The following AHDC1 variants were observed in gnomAD, a reference collection of about 807,000 sequenced individuals.
AHDC1 encodes transcription factor Gibbin.
Under a neutral mutation model 87.9 loss-of-function variants are expected in AHDC1, and 7 were observed. That is an observed-to-expected ratio of 0.08 (90% CI 0.05 to 0.15). AHDC1 has a LOEUF of 0.15. Among genes scored for constraint, AHDC1 ranks in the 10% least tolerant of loss-of-function variants. The pLI is 1.00. For synonymous variants in AHDC1, 1,051 were observed against 1,006.8 expected (o/e 1.04, Z -0.83); for missense variants, 1,841 against 2,253.2 (o/e 0.82, Z 3.70).
chr1:27,582,796 C>T (rs368084769), intron 3 of AHDC1, among the ~76,000 whole-genome samples: 3 of 152,206 alleles, frequency 2.0e-5, no homozygotes, highest in African/African-American at 7.2e-5. Flanking sequence ...TTTGGAGATG[C>T]GATGTTCAGT....
In AHDC1 at chr1:27,556,136, G is replaced by A. The variant is rs923338707; in HGVS notation, c.-225+2169C>T. Among the ~76,000 whole-genome samples, 7 of 152,102 alleles carry A rather than the reference G, an allele frequency of 4.6e-5. No homozygotes were observed. The East Asian group carries it at 1.2e-3, about 25-fold the overall frequency. On this transcript the variant is annotated intron_variant, in intron 5 of 8. Transcript: ENST00000673934. ...TGGGGGCCCCAACCTGCTGTGCACA[G>A]TGCCGGGAAGCGCCAGCCCACATCC... is the stretch of plus-strand genomic sequence containing the variant.
At chr1:27,578,260 A>G (rs534613070) in intron 3 of AHDC1, among the ~76,000 whole-genome samples, 1 of 152,354 alleles carries the variant, frequency 6.6e-6, no homozygotes, top group African/African-American at 2.4e-5. Context: ...CTTATACATT[A>G]AAATGCTAGT....
intron 8 of AHDC1, among the ~76,000 whole-genome samples, chr1:27,544,986 C>T (rs1303818811): frequency 2.0e-5 from 3 of 152,154 alleles, no homozygotes; most frequent in Non-Finnish European, 2.9e-5. Flanking sequence ...TTCCCATAGG[C>T]AGTTTCTTAA....
At position 27,548,261 on chromosome 1, in the gene AHDC1, C is replaced by G. The variant is rs766491824; in HGVS notation, c.3855G>C (p.Glu1285Asp). ...RGGGACSAKK[E>D]RGGAAAKAKF... ...TGGCTTTGGCCGCTGCGCCACCCCG[C>G]TCCTTCTTGGCTGAGCAGGCCCCAC... Residue 1285 changes from glutamate to aspartate, a missense_variant, in exon 8 of 9, where the codon GAG (glutamate) becomes GAC (aspartate). By Grantham distance (45) the Glu-to-Asp change is conservative (BLOSUM62 2). Coordinates refer to ENST00000673934, the MANE Select transcript of AHDC1 (RefSeq NM_001371928.1). The G allele has an allele frequency of 1.5e-5, 24 of 1,611,390 alleles. No individual in the cohort carries two copies. The Middle Eastern group carries it at 1.2e-3, about 77-fold the overall frequency.
At chr1:27,537,514 C>A (rs778071612) in intron 8 of AHDC1, among the ~76,000 whole-genome samples, 16 of 152,196 alleles carry the variant, frequency 1.1e-4, no homozygotes, top group Non-Finnish European at 2.1e-4. Context: ...AGAGCGGGGA[C>A]TGACCTGAGT....
intron 8 of AHDC1, among the ~76,000 whole-genome samples, chr1:27,545,171 C>T (rs2019108451): frequency 6.6e-6 from 1 of 151,644 alleles, no homozygotes; most frequent in African/African-American, 2.4e-5. Flanking sequence ...TTGTACAGTG[C>T]TTCCCACAGC....
intron 5 of AHDC1, among the ~76,000 whole-genome samples, chr1:27,556,795 C>G (rs2019835904): frequency 6.6e-6 from 1 of 152,142 alleles, no homozygotes; most frequent in Non-Finnish European, 1.5e-5. Flanking sequence ...CCTCCTACAA[C>G]GGTCCTAGTC....
chr1:27,555,722 C>T (rs2019786603), intron 5 of AHDC1, among the ~76,000 whole-genome samples: 1 of 152,194 alleles, frequency 6.6e-6, no homozygotes, highest in Admixed American at 6.5e-5. Context: ...CCCTCCCTCC[C>T]TCCCTTACTG....
chr1:27,537,561 C>T (rs747245445), intron 8 of AHDC1, among the ~76,000 whole-genome samples: 3 of 152,190 alleles, frequency 2.0e-5, no homozygotes, highest in Non-Finnish European at 2.9e-5. Context: ...CGGCCTTGCA[C>T]ACCTTCAGAA....
rs2018609559 is a variant in AHDC1 at position 27,535,730 on chromosome 1, C to T, written c.*44-814G>A. ...CTGCCTTCCTGAAGCTCAGACACTC[C>T]CAAGTTCCCAGTTCCTCCCATCGCC... On this transcript the variant is annotated intron_variant, in intron 8 of 8. Transcript: ENST00000673934. 2.6e-5 allele frequency among the ~76,000 whole-genome samples: 4 copies of T among 152,170 alleles called. No individual in the cohort carries two copies. In the South Asian group the frequency reaches 8.3e-4, roughly 32 times the overall value.
chr1:27,576,835 G>A (rs1024656303), intron 3 of AHDC1, among the ~76,000 whole-genome samples: 2 of 152,186 alleles, frequency 1.3e-5, no homozygotes, highest in Non-Finnish European at 2.9e-5. Flanking sequence ...CAACAGTGGA[G>A]GCTGCTTTTG....
chr1:27,556,537 A>T (rs956151184), intron 5 of AHDC1, among the ~76,000 whole-genome samples: 28 of 151,972 alleles, frequency 1.8e-4, no homozygotes, highest in African/African-American at 5.6e-4. Flanking sequence ...CTGCCCACAC[A>T]GTAACACCTG....
chr1:27,543,835 C>T (rs1443377850), intron 8 of AHDC1, among the ~76,000 whole-genome samples: 1 of 151,926 alleles, frequency 6.6e-6, no homozygotes, highest in African/African-American at 2.4e-5. Flanking sequence ...ATCCCAGCTA[C>T]AGGAAGCTGA....
intron 8 of AHDC1, among the ~76,000 whole-genome samples, chr1:27,546,903 G>T (rs912796968): frequency 6.6e-6 from 1 of 152,120 alleles, no homozygotes; most frequent in South Asian, 2.1e-4. Flanking sequence ...CCTTATCAGC[G>T]TATTTCCTGG....
chr1:27,576,526 A>G (rs1023483710), intron 3 of AHDC1, among the ~76,000 whole-genome samples: 7 of 152,152 alleles, frequency 4.6e-5, no homozygotes, highest in African/African-American at 1.7e-4. Context: ...CTTTTTGTTA[A>G]TGAGAAAGCT....
chr1:27,550,274 G>T lies in AHDC1; in HGVS notation c.1842C>A (p.Asp614Glu). ...TCAGGAAGGCCAGCTTGGCCAGGAC[G>T]TCTGAGTACTCGGCCTTGCTGTCGT... ...DANDSKAEYSDVLAKLAFLNR... is the reference protein window; with the variant it reads ...DANDSKAEYSEVLAKLAFLNR... Residue 614 changes from aspartate to glutamate, a missense_variant, in exon 8 of 9, where the codon GAC becomes GAA. This residue lies in a region of AHDC1 where 84 missense variants were observed against 111.7 expected (regional missense o/e 0.75). Transcript: ENST00000673934. 6.2e-7 allele frequency: 1 copy of T among 1,614,014 alleles called. No individual in the cohort carries two copies. Among genetic ancestry groups the T allele is most frequent in the Non-Finnish European group, 8.5e-7 (1 of 1,179,980 alleles).
chr1:27,539,149 T>C (rs1571206622), intron 8 of AHDC1, among the ~76,000 whole-genome samples: 1 of 150,096 alleles, frequency 6.7e-6, no homozygotes, highest in Admixed American at 6.6e-5. Flanking sequence ...TTTTTTTTTT[T>C]TTTTTTTGGA....
chr1:27,557,416 C>T (rs2019874042), intron 5 of AHDC1, among the ~76,000 whole-genome samples: 3 of 151,618 alleles, frequency 2.0e-5, no homozygotes, highest in Admixed American at 6.6e-5. Context: ...CCTTGTTCCA[C>T]GCCCCCCCGC....
chr1:27,560,984 G>A lies in AHDC1; in HGVS notation c.-628-2101C>T, dbSNP rs374014636. Among the ~76,000 whole-genome samples, 11 of 151,962 alleles carry A rather than the reference G, an allele frequency of 7.2e-5. No individual in the cohort carries two copies. Among genetic ancestry groups the A allele is most frequent in the African/African-American group, 1.9e-4 (8 of 41,412 alleles). On this transcript the variant is annotated intron_variant, in intron 3 of 8. Coordinates refer to ENST00000673934, the MANE Select transcript of AHDC1 (RefSeq NM_001371928.1). This position sits in a 1 kb window ranked among gnomAD's most constrained non-coding sequence, Gnocchi z 4.1. The stretch of plus-strand genomic sequence containing the variant: ...CCTTCCTCTCTCTCTCTCTCTGTAG[G>A]AGCCAGACAACTCCCCAAGCCTGGA...
Sources: gnomAD v4.1 joint callset for allele counts (sites outside exome capture counted in the v4.1 genomes callset) on GRCh38, gnomAD v4.1.1 for gene constraint, gnomAD v4.1.1 regional missense constraint, Gnocchi (gnomAD v3.1) non-coding constraint, MANE v1.5 for transcripts, NCBI Gene and HGNC (gene_info 2026-07-23, HGNC 2026-07-21) for gene names.